Variants in WWOX observed in about 807,000 individuals in gnomAD.
WWOX encodes the protein WW domain-containing oxidoreductase.
A neutral mutation model predicts 46.2 loss-of-function variants in WWOX; 69 were observed. The observed-to-expected ratio is 1.49, with a 90% CI of 1.23 to 1.82. WWOX has a LOEUF of 1.82. WWOX is among the 40% of genes most tolerant of loss of function. WWOX has a pLI of 0.00. For synonymous variants in WWOX, 359 were observed against 202.6 expected (o/e 1.77, Z -6.56); for missense variants, 919 against 542.6 (o/e 1.69, Z -6.89).
At chr16:78,998,572 A>C (rs548160502) in intron 8 of WWOX, among the ~76,000 whole-genome samples, 1 of 152,290 alleles carries the variant, frequency 6.6e-6, no homozygotes, top group South Asian at 2.1e-4. Flanking sequence ...CTGTTAGAGG[A>C]GTTAATCGAT....
intron 8 of WWOX, among the ~76,000 whole-genome samples, chr16:79,088,153 C>A (rs2048887454): frequency 1.3e-5 from 2 of 152,158 alleles, no homozygotes; most frequent in South Asian, 4.1e-4. Context: ...ATCTCATCTC[C>A]CCAGGCCATG....
chr16:78,612,705 C>A (rs540830846), intron 8 of WWOX, among the ~76,000 whole-genome samples: 2 of 152,060 alleles, frequency 1.3e-5, no homozygotes, highest in Non-Finnish European at 2.9e-5. Flanking sequence ...AAACTCCTGG[C>A]CTCTCAAGCC....
intron 4 of WWOX, among the ~76,000 whole-genome samples, chr16:78,157,380 G>A (rs2034642328): frequency 6.6e-6 from 1 of 152,146 alleles, no homozygotes; most frequent in African/African-American, 2.4e-5. Context: ...AATGATCTAG[G>A]TGTCTTTTGC....
intron 8 of WWOX, among the ~76,000 whole-genome samples, chr16:78,592,274 A>G (rs754365137): frequency 2.9e-4 from 44 of 152,190 alleles, no homozygotes; most frequent in Non-Finnish European, 5.7e-4. Flanking sequence ...CTATTTCACT[A>G]AATAGGACAT....
intron 8 of WWOX, among the ~76,000 whole-genome samples, chr16:78,853,195 A>C (rs893588922): frequency 1.3e-5 from 2 of 152,146 alleles, no homozygotes; most frequent in African/African-American, 4.8e-5. Context: ...ATGCATAGTA[A>C]ATAGCAGGTA....
intron 8 of WWOX, among the ~76,000 whole-genome samples, chr16:78,886,256 C>G (rs551778134): frequency 3.3e-5 from 5 of 150,616 alleles, no homozygotes; most frequent in South Asian, 2.1e-4. Context: ...ATACCCATAC[C>G]CATTGTACAC....
At chr16:78,520,804 C>G (rs1372451087) in intron 8 of WWOX, among the ~76,000 whole-genome samples, 1 of 152,194 alleles carries the variant, frequency 6.6e-6, no homozygotes, top group Non-Finnish European at 1.5e-5. Flanking sequence ...GACTGATTTT[C>G]TGTTCGTGGC....
At chr16:78,445,259 G>A (rs1161175875) in intron 8 of WWOX, among the ~76,000 whole-genome samples, 6 of 152,148 alleles carry the variant, frequency 3.9e-5, no homozygotes, top group Non-Finnish European at 8.8e-5. Context: ...AAGGATTTGG[G>A]GCATTAGCGA....
intron 8 of WWOX, among the ~76,000 whole-genome samples, chr16:79,102,060 G>A (rs1328726342): frequency 7.8e-6 from 1 of 128,412 alleles, no homozygotes; most frequent in Admixed American, 7.8e-5. Flanking sequence ...GAGTAGGGGG[G>A]AGGGGGGGAG....
intron 8 of WWOX, among the ~76,000 whole-genome samples, chr16:78,603,236 G>A (rs1308623509): frequency 1.3e-5 from 2 of 152,172 alleles, no homozygotes; most frequent in Non-Finnish European, 2.9e-5. Context: ...CACAGATAAG[G>A]CATTGGATGC....
chr16:78,722,820 T>A (rs2048726870), intron 8 of WWOX, among the ~76,000 whole-genome samples: 1 of 151,696 alleles, frequency 6.6e-6, no homozygotes, highest in South Asian at 2.1e-4. Flanking sequence ...GCAGGAGGAT[T>A]GCTTGAGCCC....
At chr16:78,464,557 A>G (rs188340043) in intron 8 of WWOX, among the ~76,000 whole-genome samples, 3 of 152,212 alleles carry the variant, frequency 2.0e-5, no homozygotes, top group Admixed American at 2.0e-4. Flanking sequence ...CCTTCAAGGG[A>G]TCCTTGTTTT....
At chr16:78,890,780 G>C (rs543913101) in intron 8 of WWOX, 2 of 152,174 alleles carry the variant, frequency 1.3e-5, no homozygotes, top group Admixed American at 1.3e-4. Context: ...CCTTAGCCTT[G>C]TTCAAGGTAA....
chr16:78,725,773 A>T (rs542138508), intron 8 of WWOX, among the ~76,000 whole-genome samples: 1 of 152,090 alleles, frequency 6.6e-6, no homozygotes, highest in Admixed American at 6.5e-5. Flanking sequence ...GGCTCCAGGG[A>T]TGATCTACTC....
At chr16:78,921,127 G>A (rs1251652482) in intron 8 of WWOX, among the ~76,000 whole-genome samples, 6 of 152,072 alleles carry the variant, frequency 3.9e-5, no homozygotes, top group African/African-American at 1.4e-4. Context: ...ACATCTTTTT[G>A]AAGAATGGCG....
chr16:78,742,524 A>G (rs1352624477), intron 8 of WWOX, among the ~76,000 whole-genome samples: 1 of 152,232 alleles, frequency 6.6e-6, no homozygotes, highest in African/African-American at 2.4e-5. Context: ...TAGGTGCCCT[A>G]GAAATGTTCT....
intron 8 of WWOX, among the ~76,000 whole-genome samples, chr16:79,194,402 T>G (rs1057445554): frequency 5.9e-5 from 9 of 152,134 alleles, no homozygotes; most frequent in Non-Finnish European, 8.8e-5. Context: ...GAGATCACAG[T>G]CTAACAGCAC....
chr16:78,533,855 A>G (rs1276939210), intron 8 of WWOX, among the ~76,000 whole-genome samples: 1 of 151,968 alleles, frequency 6.6e-6, no homozygotes, highest in Non-Finnish European at 1.5e-5. Flanking sequence ...GTTTGTTTCC[A>G]TCTCTATCAT....
At chr16:78,643,776 T>C (rs988104575) in intron 8 of WWOX, among the ~76,000 whole-genome samples, 1 of 151,186 alleles carries the variant, frequency 6.6e-6, no homozygotes, top group Non-Finnish European at 1.5e-5. Flanking sequence ...TTCATATCAC[T>C]CTTTGCTTGC....
Sources: gnomAD v4.1 joint callset for allele counts (sites outside exome capture counted in the v4.1 genomes callset) on GRCh38, gnomAD v4.1.1 for gene constraint, MANE v1.5 for transcripts, NCBI Gene and HGNC (gene_info 2026-07-23, HGNC 2026-07-21) for gene names.